The following MNAT1 variants were observed in gnomAD, a reference collection of about 807,000 sequenced individuals.
The protein encoded by MNAT1 is MNAT1 component of CDK activating kinase, also known as CDK-activating kinase assembly factor MAT1.
In MNAT1, 43 loss-of-function variants were observed where a neutral mutation model predicts 42.0. The observed-to-expected ratio is 1.02, with a 90% CI of 0.80 to 1.32. The LOEUF is 1.32. MNAT1 is among the 40% of genes most tolerant of loss of function. The probability of loss-of-function intolerance (pLI) is 0.00; values close to 1 mark genes in which losing one functional copy is unlikely to be tolerated. For missense variants in MNAT1, 306 were observed against 350.4 expected (o/e 0.87, Z 1.01); for synonymous variants, 118 against 120.0 (o/e 0.98, Z 0.11).
At chr14:60,921,727 G>A (rs2035665134) in intron 7 of MNAT1, among the ~76,000 whole-genome samples, 1 of 152,136 alleles carries the variant, frequency 6.6e-6, no homozygotes, top group Non-Finnish European at 1.5e-5. Context: ...TTATTCTGAC[G>A]TGAAGGTAAT....
intron 1 of MNAT1, chr14:60,780,311 G>A: frequency 1.3e-6 from 2 of 1,536,580 alleles, no homozygotes; most frequent in South Asian, 2.2e-5. Flanking sequence ...GACTGCAAAA[G>A]ATGACAGTGC....
At chr14:60,965,566 G>A (rs2036666978) in intron 7 of MNAT1, among the ~76,000 whole-genome samples, 1 of 152,180 alleles carries the variant, frequency 6.6e-6, no homozygotes, top group African/African-American at 2.4e-5. Context: ...AGCCAGATAT[G>A]GTATGACTCA....
chr14:60,782,249 A>G (rs1218654045), intron 1 of MNAT1, among the ~76,000 whole-genome samples: 3 of 152,120 alleles, frequency 2.0e-5, no homozygotes, highest in Non-Finnish European at 2.9e-5. Context: ...ATGGGGGACC[A>G]TTTGAGGCCA....
chr14:60,757,147 A>C (rs1056680613), intron 1 of MNAT1, among the ~76,000 whole-genome samples: 8 of 152,160 alleles, frequency 5.3e-5, no homozygotes, highest in Non-Finnish European at 8.8e-5. Context: ...GAGTACTAAG[A>C]AGCTAAAAAT....
At chr14:60,737,807 G>A (rs999382010) in intron 1 of MNAT1, among the ~76,000 whole-genome samples, 5 of 151,900 alleles carry the variant, frequency 3.3e-5, no homozygotes, top group African/African-American at 1.2e-4. Flanking sequence ...AGGCTGAGGA[G>A]GGAGGGTTCG....
intron 1 of MNAT1, among the ~76,000 whole-genome samples, chr14:60,779,346 C>T (rs1463993798): frequency 6.6e-6 from 1 of 152,196 alleles, no homozygotes; most frequent in East Asian, 1.9e-4. Context: ...AAGCTGCTTA[C>T]ACCAGCATAA....
chr14:60,918,198 CTTTTTTTT>C (rs386381525), intron 7 of MNAT1, among the ~76,000 whole-genome samples: 16 of 48,620 alleles, frequency 3.3e-4, no homozygotes, highest in East Asian at 9.1e-4. Flanking sequence ...ATTAATTGTT[CTTTTTTTT>C]TTTTTTTTTT....
intron 5 of MNAT1, among the ~76,000 whole-genome samples, chr14:60,818,349 T>C (rs1250939251): frequency 1.3e-5 from 2 of 152,172 alleles, no homozygotes; most frequent in South Asian, 4.1e-4. Flanking sequence ...AATTTCAAAC[T>C]GGTCTAAATT....
intron 7 of MNAT1, among the ~76,000 whole-genome samples, chr14:60,901,935 G>A (rs1315462607): frequency 6.6e-6 from 1 of 152,204 alleles, no homozygotes; most frequent in African/African-American, 2.4e-5. Context: ...ATAAAGCAGT[G>A]ATAGGGTTTG....
Position 60,808,415 on chromosome 14 carries a change from ATAAAT to A in MNAT1, c.412_416del (p.Leu138AlafsTer20), listed in dbSNP as rs750574393. 4 of 1,548,936 alleles carry A rather than the reference ATAAAT, an allele frequency of 2.6e-6. No homozygotes were observed. The South Asian group carries it at 3.7e-5, about 14-fold the overall frequency. ...GAAAACAAAGATGTTATTCAGAAAA[ATAAAT>A]TAAAGCTGGTCGGTTGCTAAGTATT... On this transcript the variant is annotated frameshift_variant, in exon 4 of 8. Coordinates refer to ENST00000261245, the MANE Select transcript of MNAT1 (RefSeq NM_002431.4). LOFTEE classifies it high-confidence loss of function.
At chr14:60,918,758 T>TATATATATATATATA (rs371722863) in intron 7 of MNAT1, among the ~76,000 whole-genome samples, 31 of 142,408 alleles carry the variant, frequency 2.2e-4, no homozygotes, top group African/African-American at 7.2e-4. Context: ...ATATATATAT[T>TATATATATATATATA]TTTGTCCTTA....
At chr14:60,815,674 T>G (rs2032691877) in intron 5 of MNAT1, among the ~76,000 whole-genome samples, 1 of 152,204 alleles carries the variant, frequency 6.6e-6, no homozygotes, top group Non-Finnish European at 1.5e-5. Context: ...TTGTGAGTTC[T>G]TTCTCCCACT....
chr14:60,914,545 C>T (rs1254280627), intron 7 of MNAT1, among the ~76,000 whole-genome samples: 1 of 72,554 alleles, frequency 1.4e-5, no homozygotes. Context: ...TGTGTAGAGG[C>T]ACAGATATGG....
intron 6 of MNAT1, among the ~76,000 whole-genome samples, chr14:60,849,919 C>T (rs4151250): frequency 0.013 from 2,030 of 152,114 alleles, 45 homozygotes; most frequent in African/African-American, 0.047. Context: ...TCACTGCAAC[C>T]TCCCCATCTC....
intron 7 of MNAT1, among the ~76,000 whole-genome samples, chr14:60,885,762 T>C (rs543016447): frequency 6.6e-6 from 1 of 152,196 alleles, no homozygotes; most frequent in East Asian, 1.9e-4. Flanking sequence ...TCTAGAGCTT[T>C]TTAGTTTGAT....
chr14:60,962,836 G>A (rs1043314562), intron 7 of MNAT1, among the ~76,000 whole-genome samples: 1 of 152,146 alleles, frequency 6.6e-6, no homozygotes, highest in African/African-American at 2.4e-5. Flanking sequence ...CAAGTGTATT[G>A]ATGTAAATCT....
chr14:60,879,669 G>A, intron 6 of MNAT1, 45 bp from the exon 7 acceptor site: 1 of 1,539,020 alleles, frequency 6.5e-7, no homozygotes. Flanking sequence ...GTAGCAATAT[G>A]AAAATAATAA....
chr14:60,834,938 TTC>T (rs2033339174), intron 6 of MNAT1, among the ~76,000 whole-genome samples: 1 of 133,796 alleles, frequency 7.5e-6, no homozygotes, highest in Non-Finnish European at 1.6e-5. Flanking sequence ...CCTTCCTTCC[TTC>T]CTTCCTTCCT....
intron 3 of MNAT1, among the ~76,000 whole-genome samples, chr14:60,801,859 A>C (rs1215491215): frequency 6.6e-6 from 1 of 152,214 alleles, no homozygotes; most frequent in Non-Finnish European, 1.5e-5. Context: ...AGTAGCTAAG[A>C]TATGGAATCA....
Sources: allele counts gnomAD v4.1 joint callset (sites outside exome capture counted in the v4.1 genomes callset), GRCh38; gene constraint gnomAD v4.1.1; transcripts MANE v1.5; gene names NCBI Gene and HGNC (gene_info 2026-07-23, HGNC 2026-07-21).